PRKD1: variants seen among roughly 807,000 people sequenced by gnomAD.
PRKD1 encodes serine/threonine-protein kinase D1.
PRKD1 carries 63 observed loss-of-function variants against 95.9 expected under a neutral mutation model. The observed-to-expected ratio is 0.66, with a 90% CI of 0.54 to 0.81. The LOEUF (loss-of-function observed/expected upper bound fraction) is 0.81. Ranked by LOEUF, PRKD1 falls within the 30% of genes least tolerant of loss-of-function variation. PRKD1 has a pLI of 0.00. For missense variants in PRKD1, 1,048 were observed against 1,165.3 expected (o/e 0.90, Z 1.47); for synonymous variants, 425 against 423.1 (o/e 1.00, Z -0.05).
intron 1 of PRKD1, among the ~76,000 whole-genome samples, chr14:29,777,112 C>T (rs927334055): frequency 7.2e-5 from 11 of 152,116 alleles, no homozygotes; most frequent in Non-Finnish European, 1.3e-4. Context: ...TTTGTCACCA[C>T]CAGGCCTGCC....
In PRKD1 at chr14:29,783,789, T is replaced by C. The variant is rs111695598; in HGVS notation, c.265-58115A>G. Among the ~76,000 whole-genome samples, 398 of 152,358 alleles carry C rather than the reference T, an allele frequency of 2.6e-3. 3 individuals are homozygous for C. Among genetic ancestry groups the C allele is most frequent in the African/African-American group, 8.8e-3 (366 of 41,586 alleles). On this transcript the variant is annotated intron_variant, in intron 1 of 17. Transcript: ENST00000331968. ...GTCTGTTGGCCATTCGTATGTCTTC[T>C]GTTGAGAATGTCCACTCAGAAGCTT...
intron 2 of PRKD1, among the ~76,000 whole-genome samples, chr14:29,699,422 C>G (rs987189897): frequency 1.3e-5 from 2 of 151,896 alleles, no homozygotes; most frequent in African/African-American, 4.8e-5. Context: ...TTTTCAATTG[C>G]GTATTCATCT....
At chr14:29,665,933 A>G in intron 3 of PRKD1, 144 bp downstream of exon 3, 1 of 815,550 alleles carries the variant, frequency 1.2e-6, no homozygotes, top group Non-Finnish European at 1.8e-6. Flanking sequence ...GCGTATATAT[A>G]TGTATATATG....
chr14:29,808,390 TTTTTTTTTTTTTTTTTTTTTTTTTTG>T (rs1890333861), intron 1 of PRKD1, among the ~76,000 whole-genome samples: 1 of 110,126 alleles, frequency 9.1e-6, no homozygotes, highest in Non-Finnish European at 1.8e-5. Context: ...TTTTTTTTTT[TTTTTTTTTTTTTTTTTTTTTTTTTTG>T]AGATGGGAGT....
At chr14:29,620,082 C>T (rs1265381947) in intron 13 of PRKD1, among the ~76,000 whole-genome samples, 1 of 151,584 alleles carries the variant, frequency 6.6e-6, no homozygotes, top group Admixed American at 6.6e-5. Context: ...GAAAGGATTC[C>T]CTATTTAATA....
intron 1 of PRKD1, among the ~76,000 whole-genome samples, chr14:29,825,364 C>CGTA (rs755768964): frequency 6.6e-6 from 1 of 151,992 alleles, no homozygotes; most frequent in Non-Finnish European, 1.5e-5. Context: ...GACTTTAAGA[C>CGTA]GTAGTCACTG....
At chr14:29,633,468 C>T (rs1880162803) in intron 8 of PRKD1, among the ~76,000 whole-genome samples, 1 of 152,146 alleles carries the variant, frequency 6.6e-6, no homozygotes, top group Non-Finnish European at 1.5e-5. Flanking sequence ...GACTCCATGA[C>T]ATCAACTTAA....
At chr14:29,600,958 C>A (rs2139018295) in intron 13 of PRKD1, among the ~76,000 whole-genome samples, 1 of 151,292 alleles carries the variant, frequency 6.6e-6, no homozygotes, top group South Asian at 2.1e-4. Context: ...TCCCAATGAG[C>A]AAGAGAAGAA....
intron 1 of PRKD1, among the ~76,000 whole-genome samples, chr14:29,892,029 C>G (rs1474338997): frequency 2.6e-5 from 4 of 152,238 alleles, no homozygotes; most frequent in Non-Finnish European, 5.9e-5. Context: ...GTAGTGACTC[C>G]ACTTTGGCAT....
chr14:29,717,285 G>C (rs938377236), intron 2 of PRKD1, among the ~76,000 whole-genome samples: 4 of 152,080 alleles, frequency 2.6e-5, no homozygotes, highest in African/African-American at 4.8e-5. Context: ...GTGGGGTGGA[G>C]GTGGGGTAAG....
intron 4 of PRKD1, among the ~76,000 whole-genome samples, chr14:29,655,736 G>GT (rs1408007936): frequency 2.0e-5 from 3 of 151,868 alleles, no homozygotes; most frequent in African/African-American, 4.8e-5. Flanking sequence ...GGAAATTTGT[G>GT]TTTTTTCCAT....
chr14:29,735,349 G>A (rs796172394), intron 1 of PRKD1, among the ~76,000 whole-genome samples: 1 of 152,170 alleles, frequency 6.6e-6, no homozygotes, highest in African/African-American at 2.4e-5. Flanking sequence ...ACAGTTATAA[G>A]GTTGTCCCTG....
rs569884021 is a variant in PRKD1 at position 29,815,528 on chromosome 14, G to A, written c.265-89854C>T. Among the ~76,000 whole-genome samples, 11 of 152,268 alleles carry A rather than the reference G, an allele frequency of 7.2e-5. No individual in the cohort carries two copies. In the South Asian group the frequency reaches 1.2e-3, roughly 17 times the overall value. ...GAAATTTATTGATAGTAGTCTAACC[G>A]TTATAAGATCCTGGAACAATTTACA... On this transcript the variant is annotated intron_variant, in intron 1 of 17. Coordinates refer to ENST00000331968, the MANE Select transcript of PRKD1 (RefSeq NM_002742.3).
chr14:29,926,081 C>G (rs991736704), intron 1 of PRKD1, among the ~76,000 whole-genome samples: 1 of 152,242 alleles, frequency 6.6e-6, no homozygotes, highest in Non-Finnish European at 1.5e-5. Context: ...TTACCTTAGT[C>G]TAGAACTTTC....
chr14:29,870,257 T>C (rs1301052774), intron 1 of PRKD1, among the ~76,000 whole-genome samples: 2 of 152,212 alleles, frequency 1.3e-5, no homozygotes, highest in African/African-American at 4.8e-5. Flanking sequence ...TGCACACAGT[T>C]GCATCTTGTT....
chr14:29,666,386 T>C (rs930348764), intron 2 of PRKD1, among the ~76,000 whole-genome samples, 178 bp from the exon 3 acceptor site: 2 of 151,992 alleles, frequency 1.3e-5, no homozygotes, highest in Admixed American at 6.6e-5. Context: ...GCCATAGTTT[T>C]ACAGTTGGTG....
chr14:29,755,444 T>C (rs976776076), intron 1 of PRKD1, among the ~76,000 whole-genome samples: 2 of 152,098 alleles, frequency 1.3e-5, no homozygotes, highest in East Asian at 1.9e-4. Context: ...TTAACAGTTA[T>C]CAAACCTGTG....
At chr14:29,750,609 A>AAC (rs1887430935) in intron 1 of PRKD1, among the ~76,000 whole-genome samples, 1 of 117,404 alleles carries the variant, frequency 8.5e-6, no homozygotes, top group Non-Finnish European at 1.9e-5. Flanking sequence ...AGGATGCATG[A>AAC]ACGCGCGCAC....
At chr14:29,810,635 T>G (rs7148562) in intron 1 of PRKD1, among the ~76,000 whole-genome samples, 3,031 of 152,344 alleles carry the variant, frequency 0.02, 105 homozygotes, top group Admixed American at 0.086. Context: ...TGTAAAGCAG[T>G]TTCAATGTTA....
Sources: gnomAD v4.1 joint callset for allele counts (sites outside exome capture counted in the v4.1 genomes callset) on GRCh38, gnomAD v4.1.1 for gene constraint, MANE v1.5 for transcripts, NCBI Gene and HGNC (gene_info 2026-07-23, HGNC 2026-07-21) for gene names.